GABRA2: variants seen among roughly 807,000 people sequenced by gnomAD.
GABRA2 encodes the protein gamma-aminobutyric acid type A receptor subunit alpha2.
In GABRA2, 16 loss-of-function variants were observed where a neutral mutation model predicts 48.7. That is an observed-to-expected ratio of 0.33 (90% CI 0.22 to 0.50). GABRA2 has a LOEUF of 0.50. Ranked by LOEUF, GABRA2 falls within the 20% of genes least tolerant of loss-of-function variation. The probability of loss-of-function intolerance (pLI) is 0.98; values close to 1 mark genes in which losing one functional copy is unlikely to be tolerated. For missense variants in GABRA2, 275 were observed against 535.6 expected, an observed-to-expected ratio of 0.51 and a Z score of 4.80; for synonymous variants, 185 against 184.5, an observed-to-expected ratio of 1.00 and a Z score of -0.02.
At chr4:46,266,846 C>T (rs534945483) in intron 8 of GABRA2, among the ~76,000 whole-genome samples, 147 of 151,232 alleles carry the variant, frequency 9.7e-4, no homozygotes, top group Non-Finnish European at 1.7e-3. Context: ...CTCAGCCTCC[C>T]GAGTAGTTGG....
intron 9 of GABRA2, among the ~76,000 whole-genome samples, chr4:46,259,281 A>G (rs1465159338): frequency 6.6e-6 from 1 of 151,830 alleles, no homozygotes; most frequent in Non-Finnish European, 1.5e-5. Flanking sequence ...ACACCTTTGT[A>G]TTAGGAAAGG....
In GABRA2 at chr4:46,288,303, A is replaced by C. The variant is rs184185908; in HGVS notation, c.856+15157T>G. ...GAAATGTTAGTAATTTTTGCACATTAATTTTGTATCCTGAGAATTTGCTGA... is the reference window on the plus strand; with the variant it reads ...GAAATGTTAGTAATTTTTGCACATTCATTTTGTATCCTGAGAATTTGCTGA... On this transcript the variant is annotated intron_variant, in intron 8 of 9. Coordinates refer to ENST00000381620, the MANE Select transcript of GABRA2 (RefSeq NM_000807.4). 2.2e-3 allele frequency among the ~76,000 whole-genome samples: 341 copies of C among 152,266 alleles called. 3 individuals carry two copies. Among genetic ancestry groups the C allele is most frequent in the Admixed American group, 4.1e-3 (62 of 15,294 alleles).
intron 8 of GABRA2, among the ~76,000 whole-genome samples, chr4:46,270,152 A>C (rs1719046142): frequency 2.6e-5 from 4 of 152,004 alleles, no homozygotes; most frequent in Admixed American, 2.0e-4. Context: ...TTTTAATATA[A>C]ATCTACTATG....
At chr4:46,320,660 C>G (rs1729300954) in intron 4 of GABRA2, among the ~76,000 whole-genome samples, 1 of 151,838 alleles carries the variant, frequency 6.6e-6, no homozygotes, top group Admixed American at 6.6e-5. Flanking sequence ...AGGTGCTCAA[C>G]ATCACTAATC....
chr4:46,332,584 A>T, intron 4 of GABRA2, 31 bp downstream of exon 4: 1 of 1,286,362 alleles, frequency 7.8e-7, no homozygotes, highest in South Asian at 1.2e-5. Context: ...CCATTATGTG[A>T]AGTAAAAATA....
chr4:46,294,958 C>T (rs1025538394), intron 8 of GABRA2, among the ~76,000 whole-genome samples: 14 of 152,186 alleles, frequency 9.2e-5, no homozygotes, highest in African/African-American at 1.2e-4. Flanking sequence ...GTCCTGAAGG[C>T]ACAAGTAAAT....
At chr4:46,341,432 T>C (rs1468292238) in intron 3 of GABRA2, among the ~76,000 whole-genome samples, 2 of 152,082 alleles carry the variant, frequency 1.3e-5, no homozygotes, top group Admixed American at 1.3e-4. Context: ...TATGTTGCTG[T>C]TTGTTGCTGT....
At chr4:46,294,093 C>A (rs1431918140) in intron 8 of GABRA2, among the ~76,000 whole-genome samples, 2 of 152,226 alleles carry the variant, frequency 1.3e-5, no homozygotes, top group Admixed American at 1.3e-4. Context: ...GCCAGCAACA[C>A]CCCTTTACTT....
Position 46,390,007 on chromosome 4 carries a change from G to T in GABRA2, c.-283C>A. The stretch of plus-strand genomic sequence containing the variant: ...GTGATGGGCGGAGGAGGAGGAAGAG[G>T]AGGAGGAGGAAGAGGAGGAGGGGGA... On this transcript the variant is annotated 5_prime_UTR_variant, in exon 1 of 10. Coordinates refer to ENST00000381620, the MANE Select transcript of GABRA2 (RefSeq NM_000807.4). 1 of 977,558 alleles carries T rather than the reference G, an allele frequency of 1.0e-6. No individual in the cohort carries two copies. The highest frequency in any genetic ancestry group is 1.2e-6 in the Non-Finnish European group (1 of 826,256). The allele number at this position is 977,558 out of a possible 1,614,324, so 60.6% of individuals were successfully genotyped here. A position where few individuals can be genotyped will look rare whatever the true frequency, so the allele number is the denominator to read the frequency against.
At chr4:46,333,651 A>G (rs1380467653) in intron 3 of GABRA2, among the ~76,000 whole-genome samples, 1 of 152,072 alleles carries the variant, frequency 6.6e-6, no homozygotes, top group Non-Finnish European at 1.5e-5. Flanking sequence ...AATAGAAAGG[A>G]TATTGATAAA....
rs1716148384 is a variant in GABRA2, at chr4:46,257,852, T to A, written c.1059+4074A>T. 2.0e-5 allele frequency among the ~76,000 whole-genome samples: 3 copies of A among 151,776 alleles called. No homozygotes were observed. In the Admixed American group the frequency reaches 2.0e-4, roughly 10 times the overall value. On this transcript the variant is annotated intron_variant, in intron 9 of 9. Transcript: ENST00000381620. ...AAGGAGAATAATGGACAAGATTTAA[T>A]GACTGACTAGATGTTGAGCGATACT...
At chr4:46,255,097 T>C (rs1237254142) in intron 9 of GABRA2, among the ~76,000 whole-genome samples, 1 of 151,672 alleles carries the variant, frequency 6.6e-6, no homozygotes, top group Middle Eastern at 3.4e-3. Flanking sequence ...CATGTATGTA[T>C]CTTTTTCACT....
intron 8 of GABRA2, among the ~76,000 whole-genome samples, chr4:46,293,322 A>G (rs1340679232): frequency 1.3e-5 from 2 of 152,150 alleles, no homozygotes; most frequent in Admixed American, 1.3e-4. Flanking sequence ...CCACCACACT[A>G]CCGACAATTC....
intron 3 of GABRA2, among the ~76,000 whole-genome samples, chr4:46,333,069 A>G (rs1731645614): frequency 6.6e-6 from 1 of 152,140 alleles, no homozygotes. Context: ...ATGTTCAACT[A>G]AATATTTCAG....
chr4:46,348,244 A>G (rs1734493688), intron 3 of GABRA2, among the ~76,000 whole-genome samples: 1 of 152,114 alleles, frequency 6.6e-6, no homozygotes, highest in African/African-American at 2.4e-5. Flanking sequence ...CACACCAGTT[A>G]GAATGGCAGT....
chr4:46,288,822 A>G (rs1007019956), intron 8 of GABRA2, among the ~76,000 whole-genome samples: 9 of 152,202 alleles, frequency 5.9e-5, no homozygotes, highest in Non-Finnish European at 1.0e-4. Flanking sequence ...GCATCTGAAA[A>G]AGGTCTAACA....
intron 4 of GABRA2, among the ~76,000 whole-genome samples, chr4:46,313,617 T>C (rs1293152818): frequency 6.6e-6 from 1 of 151,916 alleles, no homozygotes; most frequent in Non-Finnish European, 1.5e-5. Flanking sequence ...CTTTACCCTA[T>C]CATTCTTAAG....
chr4:46,378,096 C>T (rs1291780884), intron 3 of GABRA2, among the ~76,000 whole-genome samples: 7 of 152,130 alleles, frequency 4.6e-5, no homozygotes, highest in East Asian at 3.9e-4. Context: ...CGCCTCTGCC[C>T]GGCCGCCCCT....
intron 3 of GABRA2, among the ~76,000 whole-genome samples, chr4:46,377,025 A>G (rs959856950): frequency 1.3e-5 from 2 of 152,260 alleles, no homozygotes; most frequent in African/African-American, 4.8e-5. Flanking sequence ...ACGGAGTCTC[A>G]TTCATTCCGT....
Sources: allele counts gnomAD v4.1 joint callset (sites outside exome capture counted in the v4.1 genomes callset), GRCh38; gene constraint gnomAD v4.1.1; transcripts MANE v1.5; gene names NCBI Gene and HGNC (gene_info 2026-07-23, HGNC 2026-07-21).